KCNIP1: variants seen among roughly 807,000 people sequenced by gnomAD.
KCNIP1 encodes the protein potassium voltage-gated channel interacting protein 1.
KCNIP1 carries 18 observed loss-of-function variants against 33.0 expected under a neutral mutation model. That is an observed-to-expected ratio of 0.55 (90% CI 0.38 to 0.81). The LOEUF is 0.81. KCNIP1 is among the 30% of genes least tolerant of loss of function. The probability of loss-of-function intolerance (pLI) is 0.00; values close to 1 mark genes in which losing one functional copy is unlikely to be tolerated. For synonymous variants in KCNIP1, 93 were observed against 98.3 expected, an observed-to-expected ratio of 0.95 and a Z score of 0.32; for missense variants, 238 against 271.6, an observed-to-expected ratio of 0.88 and a Z score of 0.87.
At chr5:170,609,665 A>C (rs1759069324) in intron 1 of KCNIP1, among the ~76,000 whole-genome samples, 1 of 151,958 alleles carries the variant, frequency 6.6e-6, no homozygotes, top group Non-Finnish European at 1.5e-5. Flanking sequence ...ACATAGCGAG[A>C]CCTCACTAAA....
chr5:170,353,788 C>T, exon 1 of KCNIP1: 2 of 1,215,544 alleles, frequency 1.6e-6, no homozygotes, highest in Non-Finnish European at 2.4e-6. Flanking sequence ...GGTTCATTCA[C>T]CCAGGCAGGC....
chr5:170,720,738 A>T (rs1763791879), intron 3 of KCNIP1, among the ~76,000 whole-genome samples: 1 of 152,248 alleles, frequency 6.6e-6, no homozygotes. Context: ...GCAAACCAGG[A>T]TTAGATTCCA....
intron 1 of KCNIP1, among the ~76,000 whole-genome samples, chr5:170,432,062 T>A (rs1755756410): frequency 6.6e-6 from 1 of 151,410 alleles, no homozygotes; most frequent in South Asian, 2.1e-4. Context: ...CATTGAGCCA[T>A]CTTCTTACAG....
At chr5:170,633,766 GA>G (rs1760174183) in intron 1 of KCNIP1, among the ~76,000 whole-genome samples, 1 of 32,846 alleles carries the variant, frequency 3.0e-5, no homozygotes, top group Non-Finnish European at 6.4e-5. Context: ...GCGGAGGGGG[GA>G]TGGGGCGGGG....
At chr5:170,580,953 T>C (rs531362715) in intron 1 of KCNIP1, among the ~76,000 whole-genome samples, 1 of 152,240 alleles carries the variant, frequency 6.6e-6, no homozygotes, top group South Asian at 2.1e-4. Context: ...ATGGTATGAG[T>C]ATCTCAAGTA....
At chr5:170,435,021 G>A (rs1011496268) in intron 1 of KCNIP1, among the ~76,000 whole-genome samples, 23 of 152,324 alleles carry the variant, frequency 1.5e-4, no homozygotes, top group African/African-American at 5.1e-4. Context: ...GCCAGCCCAC[G>A]GCCTTGGACG....
chr5:170,665,597 A>G (rs1025509936), intron 1 of KCNIP1, among the ~76,000 whole-genome samples: 23 of 152,240 alleles, frequency 1.5e-4, no homozygotes, highest in African/African-American at 5.5e-4. Flanking sequence ...CACTGTCACC[A>G]CTAATGGACA....
At chr5:170,562,201 G>A (rs986153949) in intron 1 of KCNIP1, among the ~76,000 whole-genome samples, 17 of 152,236 alleles carry the variant, frequency 1.1e-4, no homozygotes, top group Non-Finnish European at 1.3e-4. Flanking sequence ...AAATAGAGCT[G>A]AGACCCAAAG....
chr5:170,400,797 G>A (rs1468794624), intron 1 of KCNIP1, among the ~76,000 whole-genome samples: 2 of 152,172 alleles, frequency 1.3e-5, no homozygotes, highest in Admixed American at 1.3e-4. Flanking sequence ...GAGCAGTGTG[G>A]TCCAAACAGA....
chr5:170,373,423 CT>C (rs1487638225), intron 1 of KCNIP1, among the ~76,000 whole-genome samples: 1 of 152,114 alleles, frequency 6.6e-6, no homozygotes, highest in Non-Finnish European at 1.5e-5. Context: ...CATCAGGACC[CT>C]TTTACATGCT....
intron 1 of KCNIP1, among the ~76,000 whole-genome samples, chr5:170,673,763 G>A (rs551365548): frequency 1.4e-4 from 22 of 152,184 alleles, no homozygotes; most frequent in South Asian, 1.0e-3. Context: ...CACTCTCAAC[G>A]CTTTATTAAT....
At chr5:170,557,222 G>A (rs1366900784) in intron 1 of KCNIP1, among the ~76,000 whole-genome samples, 1 of 152,218 alleles carries the variant, frequency 6.6e-6, no homozygotes, top group African/African-American at 2.4e-5. Context: ...TCAAAAGGAT[G>A]AAACAAATTC....
At chr5:170,724,738 A>G (rs1207397015) in intron 5 of KCNIP1, among the ~76,000 whole-genome samples, 1 of 152,220 alleles carries the variant, frequency 6.6e-6, no homozygotes, top group East Asian at 1.9e-4. Flanking sequence ...CAAAAAGCAC[A>G]AAATACTTTG....
At chr5:170,588,569 G>T (rs1021103196) in intron 1 of KCNIP1, among the ~76,000 whole-genome samples, 1 of 152,190 alleles carries the variant, frequency 6.6e-6, no homozygotes, top group Non-Finnish European at 1.5e-5. Flanking sequence ...AGAAAGGCAG[G>T]CTCAGAGCAG....
upstream of KCNIP1, among the ~76,000 whole-genome samples, chr5:170,499,377 C>G (rs988914640): frequency 1.3e-5 from 2 of 152,244 alleles, no homozygotes; most frequent in African/African-American, 4.8e-5. Flanking sequence ...ATGGGCCACT[C>G]TATGTGCCAG....
chr5:170,388,361 GAGGA>G (rs1218433207), intron 1 of KCNIP1, among the ~76,000 whole-genome samples: 4 of 152,236 alleles, frequency 2.6e-5, no homozygotes, highest in Admixed American at 6.5e-5. Context: ...CCTTTGGCGG[GAGGA>G]AGGATGGGAA....
At chr5:170,567,745 G>A (rs1757252382) in intron 1 of KCNIP1, among the ~76,000 whole-genome samples, 1 of 152,132 alleles carries the variant, frequency 6.6e-6, no homozygotes. Flanking sequence ...CAAAACAAGG[G>A]GCCTGCGTGC....
intron 1 of KCNIP1, among the ~76,000 whole-genome samples, chr5:170,388,199 T>G (rs1764564304): frequency 6.6e-6 from 1 of 152,222 alleles, no homozygotes; most frequent in African/African-American, 2.4e-5. Context: ...CTTGGCTTAT[T>G]CAGGTCTGAC....
chr5:170,584,811 T>C (rs540681884), intron 1 of KCNIP1, among the ~76,000 whole-genome samples: 2 of 152,290 alleles, frequency 1.3e-5, no homozygotes, highest in East Asian at 3.9e-4. Flanking sequence ...GTGTGCTTTA[T>C]TTCTCCTGCT....
Sources: allele counts gnomAD v4.1 joint callset (sites outside exome capture counted in the v4.1 genomes callset), GRCh38; gene constraint gnomAD v4.1.1; transcripts MANE v1.5; gene names NCBI Gene and HGNC (gene_info 2026-07-23, HGNC 2026-07-21).